ZSCAN5C: variants seen among roughly 807,000 people sequenced by gnomAD.
ZSCAN5C encodes the protein zinc finger and SCAN domain containing 5C.
A neutral mutation model predicts 17.3 loss-of-function variants in ZSCAN5C; 11 were observed. The ratio of observed to expected loss-of-function variants is 0.64; its 90% CI spans 0.40 to 1.06. ZSCAN5C has a LOEUF of 1.06. Among genes scored for constraint, ZSCAN5C ranks in the 50% least tolerant of loss-of-function variants. ZSCAN5C has a pLI of 0.00. For missense variants in ZSCAN5C, 698 were observed against 538.9 expected, an observed-to-expected ratio of 1.30 and a Z score of -2.92; for synonymous variants, 229 against 208.4, an observed-to-expected ratio of 1.10 and a Z score of -0.85.
At chr19:56,207,562 T>C (rs2032937894) in intron 3 of ZSCAN5C, among the ~76,000 whole-genome samples, 1 of 151,760 alleles carries the variant, frequency 6.6e-6, no homozygotes, top group African/African-American at 2.4e-5. Context: ...CCATCCAGTT[T>C]CCTCAAAGAC....
At chr19:56,207,775 G>A (rs895333382) in intron 3 of ZSCAN5C, among the ~76,000 whole-genome samples, 1 of 151,702 alleles carries the variant, frequency 6.6e-6, no homozygotes, top group Non-Finnish European at 1.5e-5. Flanking sequence ...GCACAGGAGC[G>A]CCCCCTCCAG....
intron 1 of ZSCAN5C, 50 bp from the exon 2 acceptor site, chr19:56,205,737 G>C (rs2032912678): frequency 7.0e-6 from 4 of 572,934 alleles, no homozygotes; most frequent in South Asian, 6.9e-5. Context: ...GGAAGGATGG[G>C]GTGGGTAGAG....
At chr19:56,203,687 T>C (rs2032893512) in intron 1 of ZSCAN5C, among the ~76,000 whole-genome samples, 1 of 149,290 alleles carries the variant, frequency 6.7e-6, no homozygotes. Flanking sequence ...TTTGCTCTTG[T>C]TGCCCAGGCT....
chr19:56,208,760 A>G, exon 5 of ZSCAN5C: 6 of 1,604,802 alleles, frequency 3.7e-6, no homozygotes, highest in Non-Finnish European at 5.1e-6. Context: ...CCAAGAAGTC[A>G]AGGAACTGCT....
At chr19:56,209,143 T>C (rs1345205282) in exon 5 of ZSCAN5C, 1 of 1,441,328 alleles carries the variant, frequency 6.9e-7, no homozygotes, top group East Asian at 2.3e-5. Context: ...GAGCCTTCGG[T>C]CGGCCGGCGA....
exon 5 of ZSCAN5C, chr19:56,208,565 G>A (rs1255776361): frequency 1.2e-5 from 19 of 1,591,702 alleles, no homozygotes; most frequent in East Asian, 8.9e-5. Context: ...GACTCACAGC[G>A]GGAGCAGAGG....
At chr19:56,203,696 C>T (rs2032893579) in intron 1 of ZSCAN5C, among the ~76,000 whole-genome samples, 1 of 132,814 alleles carries the variant, frequency 7.5e-6, no homozygotes, top group Non-Finnish European at 1.5e-5. Context: ...GTTGCCCAGG[C>T]TGGAGTGCAA....
chr19:56,208,020 T>G lies in ZSCAN5C; in HGVS notation c.589-14T>G, dbSNP rs117836656. ...TAGGCATGGCAGTCATTGCTGTTGG[T>G]TTTCCATTCTCAGGAAGAGGACTTC... On this transcript the variant is annotated splice_polypyrimidine_tract_variant and intron_variant, in intron 3 of 4. Coordinates refer to ENST00000534327, the Ensembl canonical transcript of ZSCAN5C. 22,764 of 712,628 alleles carry G rather than the reference T, an allele frequency of 0.032. 2,262 individuals carry two copies. Among genetic ancestry groups the G allele is most frequent in the East Asian group, 0.26 (9,790 of 38,368 alleles). 44.1% of individuals were successfully genotyped at this position (712,628 alleles called of 1,614,324 possible).
At chr19:56,207,005 A>G in intron 2 of ZSCAN5C, 54 bp from the exon 3 acceptor site, 1 of 679,754 alleles carries the variant, frequency 1.5e-6, no homozygotes, top group Non-Finnish European at 2.7e-6. Context: ...AGGGAATATG[A>G]GAGCTACTTT....
intron 1 of ZSCAN5C, among the ~76,000 whole-genome samples, chr19:56,205,185 G>A (rs2032908031): frequency 1.3e-5 from 2 of 151,938 alleles, no homozygotes. Flanking sequence ...CATGGTGCAT[G>A]TCTTAGTCCC....
intron 1 of ZSCAN5C, among the ~76,000 whole-genome samples, chr19:56,205,157 G>A (rs1476623270): frequency 6.6e-6 from 1 of 151,848 alleles, no homozygotes. Flanking sequence ...AAACTAGACA[G>A]TGGTAATGGT....
At chr19:56,205,244 G>A (rs1336319810) in intron 1 of ZSCAN5C, among the ~76,000 whole-genome samples, 1 of 151,882 alleles carries the variant, frequency 6.6e-6, no homozygotes, top group Non-Finnish European at 1.5e-5. Flanking sequence ...TTATGAATGT[G>A]CATTTCACCA....
chr19:56,202,656 C>T (rs966028605), intron 1 of ZSCAN5C, among the ~76,000 whole-genome samples: 2 of 151,916 alleles, frequency 1.3e-5, no homozygotes, highest in Admixed American at 6.5e-5. Context: ...CGGACTCAAA[C>T]GATCCGCCTG....
Position 56,205,983 on chromosome 19 carries a change from C to T in ZSCAN5C, c.70C>T (p.Gln24Ter), listed in dbSNP as rs201663763. ...CAACAGCCCTGGGTCAGAGCCACCA[C>T]AGTCCATGCCATCCCCAGCAACTCA... is the stretch of plus-strand genomic sequence containing the variant. Residue 24 changes from glutamine to a stop codon, truncating the protein, a stop_gained, in exon 2 of 5, where the codon CAG becomes TAG. Transcript: ENST00000534327. LOFTEE classifies it high-confidence loss of function. 7.3e-5 allele frequency: 115 copies of T among 1,569,702 alleles called. 1 individual carries two copies. Among genetic ancestry groups the T allele is most frequent in the Admixed American group, 1.5e-4 (9 of 59,934 alleles).
chr19:56,206,087 C>T (rs1238965635), exon 2 of ZSCAN5C: 4 of 1,610,548 alleles, frequency 2.5e-6, no homozygotes, highest in Non-Finnish European at 3.4e-6. Context: ...AGTCGGACCC[C>T]ATCCAGGCTC....
In ZSCAN5C at chr19:56,208,858, C is replaced by CT. The variant is rs1278038221; in HGVS notation, c.1152dup (p.Gln385SerfsTer3). On this transcript the variant is annotated frameshift_variant, in exon 5 of 5. Coordinates refer to ENST00000534327, the Ensembl canonical transcript of ZSCAN5C. LOFTEE classifies it low-confidence loss of function (END_TRUNC). ...CGAGATCACACACAGGCGAGAGACT[C>CT]TTTCAGTGTAATCTCTGCGGGAAGC... is the stretch of plus-strand genomic sequence containing the variant. 6.4e-7 allele frequency: 1 copy of CT among 1,571,350 alleles called. No individual in the cohort carries two copies. The highest frequency in any genetic ancestry group is 1.7e-5 in the Admixed American group (1 of 59,434).
chr19:56,208,535 G>A (rs762862197), exon 5 of ZSCAN5C: 13 of 1,588,676 alleles, frequency 8.2e-6, no homozygotes, highest in South Asian at 5.5e-5. Context: ...TTCTGCCTGC[G>A]TTGTGGAGAG....
At chr19:56,207,711 G>C (rs1399839942) in intron 3 of ZSCAN5C, among the ~76,000 whole-genome samples, 1 of 151,842 alleles carries the variant, frequency 6.6e-6, no homozygotes, top group Non-Finnish European at 1.5e-5. Context: ...TGTCATTGTA[G>C]GGGGTGGTGG....
intron 3 of ZSCAN5C, among the ~76,000 whole-genome samples, chr19:56,207,473 G>T (rs4801300): frequency 0.43 from 64,343 of 149,872 alleles, 14,359 homozygotes; most frequent in East Asian, 0.63. Flanking sequence ...CTTTTAGCAT[G>T]TAGGGTGGGG....
Sources: allele counts gnomAD v4.1 joint callset (sites outside exome capture counted in the v4.1 genomes callset), GRCh38; gene constraint gnomAD v4.1.1; transcripts MANE v1.5; gene names NCBI Gene and HGNC (gene_info 2026-07-23, HGNC 2026-07-21).